The following CAPS2 variants were observed in gnomAD, a reference collection of about 807,000 sequenced individuals.
The protein encoded by CAPS2 is calcyphosin-2.
Under a neutral mutation model 86.5 loss-of-function variants are expected in CAPS2, and 98 were observed. The ratio of observed to expected loss-of-function variants is 1.13; its 90% CI spans 0.96 to 1.34. The LOEUF is 1.34. Ranked by LOEUF, CAPS2 falls within the 40% of genes most tolerant of loss-of-function variation. CAPS2 has a pLI of 0.00. For synonymous variants in CAPS2, 210 were observed against 225.1 expected (o/e 0.93, Z 0.60); for missense variants, 729 against 686.8 (o/e 1.06, Z -0.69).
In CAPS2 at chr12:75,372,606, G is replaced by A. The variant is rs112974221; in HGVS notation, c.-395+18232C>T. On this transcript the variant is annotated intron_variant, in intron 1 of 5. Transcript: ENST00000551829. The stretch of plus-strand genomic sequence containing the variant: ...CTTCCACCCTTTGATGCCTGGACTC[G>A]TGAATCCTGGCTATGAGAGAAACTG... Among the ~76,000 whole-genome samples, 1,212 of 152,222 alleles carry A rather than the reference G, an allele frequency of 8.0e-3. 12 individuals are homozygous for A. The highest frequency in any genetic ancestry group is 0.027 in the African/African-American group (1,110 of 41,528).
intron 11 of CAPS2, chr12:75,294,957 T>A (rs1230440046): frequency 1.3e-5 from 2 of 152,160 alleles, no homozygotes; most frequent in African/African-American, 4.8e-5. Context: ...TTAAATAACC[T>A]CCTCACTGGG....
rs569221789 is a variant in CAPS2, at chr12:75,285,077, A to C, written c.1399T>G (p.Phe467Val). The stretch of plus-strand genomic sequence containing the variant: ...TTCAGAATTAGCCATGCAGACTCAA[A>C]ATCCTAGAAACAATCAGAGATAACT... The change falls in exon 15 of 17, where the codon TTT becomes GTT. Residue 467 changes from phenylalanine (F) to valine (V), a missense_variant. Phe to Val is a conservative substitution (Grantham distance 50, BLOSUM62 -1). Transcript: ENST00000393284. 8 of 1,605,648 alleles carry C rather than the reference A, an allele frequency of 5.0e-6. 1 individual carries two copies. The South Asian group carries it at 7.9e-5, about 16-fold the overall frequency.
At chr12:75,379,380 A>G (rs942274072) in intron 1 of CAPS2, among the ~76,000 whole-genome samples, 8 of 152,160 alleles carry the variant, frequency 5.3e-5, no homozygotes, top group African/African-American at 1.9e-4. Flanking sequence ...CTTTCCTCTT[A>G]TTGTCAAGAA....
intron 1 of CAPS2, among the ~76,000 whole-genome samples, chr12:75,366,660 A>G (rs1320587263): frequency 6.8e-6 from 1 of 147,278 alleles, no homozygotes; most frequent in Non-Finnish European, 1.5e-5. Context: ...TTTTTTTCTT[A>G]AAAGGAGGAA....
At chr12:75,311,916 G>A (rs2039272498) in intron 7 of CAPS2, among the ~76,000 whole-genome samples, 1 of 151,906 alleles carries the variant, frequency 6.6e-6, no homozygotes, top group Non-Finnish European at 1.5e-5. Flanking sequence ...AATGGAAGGA[G>A]GGACATGGGA....
chr12:75,326,481 T>C, exon 1 of CAPS2: 2 of 1,544,458 alleles, frequency 1.3e-6, no homozygotes, highest in East Asian at 4.9e-5. Flanking sequence ...CAGCAACTCC[T>C]TTAACCTCTA....
intron 7 of CAPS2, chr12:75,306,127 G>A (rs1311643493): frequency 1.6e-5 from 19 of 1,196,224 alleles, no homozygotes; most frequent in Non-Finnish European, 2.3e-5. Context: ...ATTCGGGAAC[G>A]TGCGGAAGCT....
At chr12:75,279,202 A>G in intron 16 of CAPS2, 137 bp from the exon 17 acceptor site, 1 of 785,032 alleles carries the variant, frequency 1.3e-6, no homozygotes, top group South Asian at 2.0e-5. Flanking sequence ...CAGCCAATTT[A>G]TTTACACATG....
chr12:75,297,041 C>G (rs2037022173), intron 11 of CAPS2, among the ~76,000 whole-genome samples: 1 of 152,140 alleles, frequency 6.6e-6, no homozygotes, highest in Non-Finnish European at 1.5e-5. Flanking sequence ...GAATTTCTTT[C>G]CTTTCTCTCT....
chr12:75,293,925 A>C (rs1377726374), intron 11 of CAPS2, among the ~76,000 whole-genome samples: 1 of 152,130 alleles, frequency 6.6e-6, no homozygotes, highest in Non-Finnish European at 1.5e-5. Context: ...AAGGACAAAT[A>C]CCAAATATAA....
chr12:75,323,207 ATCAAG>A lies in CAPS2; in HGVS notation c.142_146del (p.Leu48PhefsTer6). 1.3e-6 allele frequency: 2 copies of A among 1,544,638 alleles called. No individual in the cohort carries two copies. Among genetic ancestry groups the A allele is most frequent in the Non-Finnish European group, 1.7e-6 (2 of 1,143,954 alleles). The stretch of plus-strand genomic sequence containing the variant: ...CATCAGAGTCAACAAGGCTTCCCAA[ATCAAG>A]TCGTGGGACCCTGAAAGACATAATC... On this transcript the variant is annotated frameshift_variant, in exon 3 of 17. Transcript: ENST00000393284. LOFTEE classifies it high-confidence loss of function.
chr12:75,289,578 A>G, intron 14 of CAPS2, 43 bp downstream of exon 14: 1 of 1,546,020 alleles, frequency 6.5e-7, no homozygotes. Context: ...GCCACCTAAG[A>G]ATAACATATT....
intron 1 of CAPS2, among the ~76,000 whole-genome samples, chr12:75,365,483 G>A (rs2043903854): frequency 6.6e-6 from 1 of 151,954 alleles, no homozygotes; most frequent in African/African-American, 2.4e-5. Context: ...ACCTTCTTTT[G>A]CATATAACTT....
At chr12:75,305,640 A>G (rs923636254) in intron 7 of CAPS2, 68 of 630,086 alleles carry the variant, frequency 1.1e-4, no homozygotes, top group African/African-American at 2.2e-4. Context: ...CAGGCCGCGG[A>G]GAAGGGCGGC....
chr12:75,372,972 G>A (rs1409397387), intron 1 of CAPS2, among the ~76,000 whole-genome samples: 1 of 152,206 alleles, frequency 6.6e-6, no homozygotes, highest in Non-Finnish European at 1.5e-5. Context: ...CAGATCCAGA[G>A]TACATGTCTA....
intron 1 of CAPS2, among the ~76,000 whole-genome samples, chr12:75,353,218 TGA>T (rs1330842652): frequency 6.6e-6 from 1 of 152,006 alleles, no homozygotes; most frequent in African/African-American, 2.4e-5. Context: ...GCTGGCTTTT[TGA>T]AAAGATTAAT....
chr12:75,370,856 C>A (rs11831291), intron 1 of CAPS2, among the ~76,000 whole-genome samples: 51 of 152,190 alleles, frequency 3.4e-4, no homozygotes, highest in African/African-American at 1.1e-3. Flanking sequence ...ACTGGCATTT[C>A]TTTTTTCTGA....
At chr12:75,327,537 C>T (rs1398207474), upstream of CAPS2, among the ~76,000 whole-genome samples, 1 of 151,804 alleles carries the variant, frequency 6.6e-6, no homozygotes, top group Non-Finnish European at 1.5e-5. Flanking sequence ...TTTCTATAGT[C>T]TTAGATTTAT....
chr12:75,331,782 C>A (rs1032358077), upstream of CAPS2, among the ~76,000 whole-genome samples: 3 of 152,024 alleles, frequency 2.0e-5, no homozygotes, highest in Non-Finnish European at 4.4e-5. Context: ...CCGGGATGGT[C>A]TCGATCTCCT....
Sources: gnomAD v4.1 joint callset for allele counts (sites outside exome capture counted in the v4.1 genomes callset) on GRCh38, gnomAD v4.1.1 for gene constraint, MANE v1.5 for transcripts, NCBI Gene and HGNC (gene_info 2026-07-23, HGNC 2026-07-21) for gene names.